Variants in HDAC9 observed in about 807,000 individuals in gnomAD.
HDAC9 encodes the protein histone deacetylase 9.
In HDAC9, 41 loss-of-function variants were observed where a neutral mutation model predicts 139.4. That is an observed-to-expected ratio of 0.29 (90% CI 0.23 to 0.38). HDAC9 has a LOEUF of 0.38. Ranked by LOEUF, HDAC9 falls within the 10% of genes least tolerant of loss-of-function variation. The pLI, the probability that HDAC9 is intolerant of heterozygous loss-of-function variation, is 1.00. For synonymous variants in HDAC9, 517 were observed against 476.2 expected, an observed-to-expected ratio of 1.09 and a Z score of -1.12; for missense variants, 1,147 against 1,297.0, an observed-to-expected ratio of 0.88 and a Z score of 1.78.
At chr7:18,540,225 A>G (rs1439015898) in intron 2 of HDAC9, among the ~76,000 whole-genome samples, 3 of 146,852 alleles carry the variant, frequency 2.0e-5, no homozygotes, top group Non-Finnish European at 4.5e-5. Flanking sequence ...GTGAGCCGAG[A>G]TCTCACCACT....
intron 2 of HDAC9, among the ~76,000 whole-genome samples, chr7:18,239,428 T>G (rs986695680): frequency 3.3e-5 from 5 of 152,136 alleles, no homozygotes; most frequent in Admixed American, 6.5e-5. Context: ...TGTGAGTAGA[T>G]GAAGGCTTTC....
At chr7:18,286,073 G>A (rs992502738), upstream of HDAC9, among the ~76,000 whole-genome samples, 13 of 151,652 alleles carry the variant, frequency 8.6e-5, no homozygotes, top group Admixed American at 3.3e-4. Flanking sequence ...AGATACAATT[G>A]AAAGGAAAGA....
At chr7:18,344,295 G>C (rs1421507731) in intron 1 of HDAC9, among the ~76,000 whole-genome samples, 1 of 151,798 alleles carries the variant, frequency 6.6e-6, no homozygotes, top group Non-Finnish European at 1.5e-5. Flanking sequence ...CTATGTGGTA[G>C]GAACTAGATC....
At chr7:18,991,925 T>A (rs929278416) in intron 25 of HDAC9, among the ~76,000 whole-genome samples, 18 of 152,242 alleles carry the variant, frequency 1.2e-4, no homozygotes, top group Non-Finnish European at 2.4e-4. Context: ...ATTGCTATGT[T>A]CCTAGTGCCT....
At chr7:18,115,080 A>C (rs933799515) in intron 1 of HDAC9, among the ~76,000 whole-genome samples, 1 of 152,226 alleles carries the variant, frequency 6.6e-6, no homozygotes, top group Non-Finnish European at 1.5e-5. Flanking sequence ...TCACAAGGTC[A>C]GGAGATCGAG....
At chr7:18,582,605 T>A (rs973914804) in intron 2 of HDAC9, among the ~76,000 whole-genome samples, 1 of 152,198 alleles carries the variant, frequency 6.6e-6, no homozygotes, top group African/African-American at 2.4e-5. Context: ...ACATTATTTT[T>A]AATGAATGCG....
intron 12 of HDAC9, among the ~76,000 whole-genome samples, chr7:18,697,055 A>C (rs1003378886): frequency 1.3e-5 from 2 of 152,178 alleles, no homozygotes; most frequent in African/African-American, 2.4e-5. Context: ...GAAAACACAG[A>C]GGCAAATTCT....
chr7:18,566,867 T>C (rs1234470330), intron 2 of HDAC9, among the ~76,000 whole-genome samples: 1 of 151,538 alleles, frequency 6.6e-6, no homozygotes, highest in Non-Finnish European at 1.5e-5. Context: ...TTCAGAGGAG[T>C]GTAGTGGATG....
At chr7:18,379,503 T>C (rs17139134) in intron 1 of HDAC9, among the ~76,000 whole-genome samples, 5,195 of 152,310 alleles carry the variant, frequency 0.034, 116 homozygotes, top group East Asian at 0.089. Flanking sequence ...CCTCCTGTCC[T>C]ATGAAAGAAA....
chr7:18,861,865 C>T (rs576813571), intron 21 of HDAC9, among the ~76,000 whole-genome samples: 25 of 152,276 alleles, frequency 1.6e-4, no homozygotes, highest in South Asian at 6.2e-4. Context: ...TACACACACA[C>T]GCATATTCCT....
intron 1 of HDAC9, among the ~76,000 whole-genome samples, chr7:18,486,145 T>C (rs1260987552): frequency 6.6e-6 from 1 of 152,132 alleles, no homozygotes. Context: ...ATAATGACAT[T>C]AATCCATTCC....
At chr7:18,917,147 A>G (rs1327861479) in intron 22 of HDAC9, among the ~76,000 whole-genome samples, 2 of 152,034 alleles carry the variant, frequency 1.3e-5, no homozygotes, top group East Asian at 3.9e-4. Context: ...GCTCGCAAAT[A>G]TGAAATCATC....
chr7:18,196,581 C>G, intron 2 of HDAC9, among the ~76,000 whole-genome samples: 1 of 151,874 alleles, frequency 6.6e-6, no homozygotes. Flanking sequence ...GGTCAGTAGG[C>G]CAAATGGTGC....
At chr7:18,349,930 C>T (rs1782725287) in intron 1 of HDAC9, among the ~76,000 whole-genome samples, 1 of 152,096 alleles carries the variant, frequency 6.6e-6, no homozygotes, top group Non-Finnish European at 1.5e-5. Context: ...TTAGGTATTA[C>T]TTCAGTATTA....
Position 18,999,187 on chromosome 7 carries a change from G to C in HDAC9, c.*3125G>C, listed in dbSNP as rs1786628021. On this transcript the variant is annotated 3_prime_UTR_variant, in exon 26 of 26. Transcript: ENST00000686413. ...TACCAATCCTGGGGATGGAAATATT[G>C]CCTTCAGTTTTTACTCCAGCCCTAT... The C allele has an allele frequency of 6.6e-6, 1 of 152,126 alleles. No individual in the cohort carries two copies. Among genetic ancestry groups the C allele is most frequent in the South Asian group, 2.1e-4 (1 of 4,826 alleles). 9.4% of individuals were successfully genotyped at this position (152,126 alleles called of 1,614,324 possible). A position where few individuals can be genotyped will look rare whatever the true frequency, so the allele number is the denominator to read the frequency against.
intron 2 of HDAC9, among the ~76,000 whole-genome samples, chr7:18,557,180 AGAAG>A (rs1819061147): frequency 1.3e-5 from 2 of 152,070 alleles, no homozygotes; most frequent in African/African-American, 4.8e-5. Flanking sequence ...TTTTAAAGCC[AGAAG>A]ACGCTCTTTT....
chr7:18,411,239 A>T (rs893714169), intron 1 of HDAC9, among the ~76,000 whole-genome samples: 1 of 152,186 alleles, frequency 6.6e-6, no homozygotes, highest in Non-Finnish European at 1.5e-5. Flanking sequence ...CCGATGTTTG[A>T]TGGTTTGACG....
chr7:18,834,399 G>C (rs1796075043), intron 19 of HDAC9, among the ~76,000 whole-genome samples: 1 of 150,208 alleles, frequency 6.7e-6, no homozygotes, highest in Non-Finnish European at 1.5e-5. Context: ...TTACACTTGA[G>C]GTCTTTCAGT....
At chr7:18,605,888 G>C (rs1339737599) in intron 6 of HDAC9, among the ~76,000 whole-genome samples, 1 of 151,584 alleles carries the variant, frequency 6.6e-6, no homozygotes, top group Non-Finnish European at 1.5e-5. Context: ...CATCGTGTTA[G>C]CCAGGATGGT....
Sources: gnomAD v4.1 joint callset for allele counts (sites outside exome capture counted in the v4.1 genomes callset) on GRCh38, gnomAD v4.1.1 for gene constraint, MANE v1.5 for transcripts, NCBI Gene and HGNC (gene_info 2026-07-23, HGNC 2026-07-21) for gene names.